Variants in CSMD1 observed in about 807,000 individuals in gnomAD.
The protein encoded by CSMD1 is CUB and sushi domain-containing protein 1.
In CSMD1, 213 loss-of-function variants were observed where a neutral mutation model predicts 417.5. That is an observed-to-expected ratio of 0.51 (90% CI 0.46 to 0.57). CSMD1 has a LOEUF of 0.57. Among genes scored for constraint, CSMD1 ranks in the 20% least tolerant of loss-of-function variants. The probability of loss-of-function intolerance (pLI) is 0.00; values close to 1 mark genes in which losing one functional copy is unlikely to be tolerated. For synonymous variants in CSMD1, 2,862 were observed against 1,736.8 expected, an observed-to-expected ratio of 1.65 and a Z score of -16.11; for missense variants, 6,923 against 4,529.7, an observed-to-expected ratio of 1.53 and a Z score of -15.17.
chr8:3,912,538 T>C (rs1008886544), intron 5 of CSMD1, among the ~76,000 whole-genome samples: 18 of 152,164 alleles, frequency 1.2e-4, no homozygotes, highest in Admixed American at 6.5e-5. Flanking sequence ...GGGGGCTGGT[T>C]AATCTTAGCT....
rs140892984 is a variant in CSMD1 at position 3,576,914 on chromosome 8, T to A, written c.1223-1848A>T. ...CATTTTCCTACTTTTTAACACTTCA[T>A]AATTAACAGCTGTTATAAACATCAT... On this transcript the variant is annotated intron_variant, in intron 9 of 69. Coordinates refer to ENST00000635120, the MANE Select transcript of CSMD1 (RefSeq NM_033225.6). 6.0e-3 allele frequency among the ~76,000 whole-genome samples: 916 copies of A among 152,374 alleles called. 14 individuals are homozygous for A. The highest frequency in any genetic ancestry group is 0.02 in the African/African-American group (822 of 41,588).
chr8:4,815,694 C>CAAAAAAAAA (rs1218931391), intron 1 of CSMD1, among the ~76,000 whole-genome samples: 37 of 67,502 alleles, frequency 5.5e-4, no homozygotes, highest in East Asian at 1.2e-3. Context: ...AAAGCTGTCT[C>CAAAAAAAAA]AAAAAAAAAA....
At chr8:3,365,120 G>A (rs1393848) in intron 20 of CSMD1, among the ~76,000 whole-genome samples, 1,724 of 152,290 alleles carry the variant, frequency 0.011, 26 homozygotes, top group African/African-American at 0.038. Flanking sequence ...AGATACACCA[G>A]GGGAGAATGC....
chr8:4,441,095 GT>G lies in CSMD1; in HGVS notation c.303-21031del, dbSNP rs36000734. 6.8e-3 allele frequency among the ~76,000 whole-genome samples: 347 copies of G among 51,302 alleles called. 10 individuals are homozygous for G. The highest frequency in any genetic ancestry group is 0.02 in the African/African-American group (304 of 14,996). The allele number at this position is 51,302 out of a possible 152,430, so 33.7% of individuals were successfully genotyped here. ...AATAATTTGACTCGTTAATCAAAAG[GT>G]TTTTTTTTTTTTTTTTTTTTTTAAG... On this transcript the variant is annotated intron_variant, in intron 2 of 69. Transcript: ENST00000635120.
chr8:3,230,179 G>C lies in CSMD1; in HGVS notation c.4206C>G (p.Arg1402=). The part of the protein sequence containing the change: ...NDPGMPQNGT[R]YGDSREAGDT... ...CTCCAGCCTCTCTGCTGTCTCCATA[G>C]CGGGTGCCATTTTGGGGCATACCTG... Residue 1402 remains arginine, a synonymous_variant, in exon 27 of 70, where the codon CGC becomes CGG. Transcript: ENST00000635120. 1 of 1,612,488 alleles carries C rather than the reference G, an allele frequency of 6.2e-7. No individual in the cohort carries two copies. The highest frequency in any genetic ancestry group is 8.5e-7 in the Non-Finnish European group (1 of 1,179,230).
intron 3 of CSMD1, among the ~76,000 whole-genome samples, chr8:4,245,971 G>A (rs767312732): frequency 2.3e-4 from 35 of 152,098 alleles, no homozygotes; most frequent in African/African-American, 4.8e-4. Flanking sequence ...TATCAGGGCC[G>A]TGGACAGGGA....
intron 12 of CSMD1, among the ~76,000 whole-genome samples, chr8:3,448,789 G>C (rs749572272): frequency 6.6e-6 from 1 of 152,176 alleles, no homozygotes; most frequent in Non-Finnish European, 1.5e-5. Context: ...GCAATAGTGA[G>C]TGACTTATTC....
chr8:4,521,747 G>A (rs10106920), intron 2 of CSMD1, among the ~76,000 whole-genome samples: 24,539 of 152,050 alleles, frequency 0.16, 2,020 homozygotes, highest in African/African-American at 0.17. Context: ...AGAACAGAAG[G>A]CATAGATTAG....
intron 2 of CSMD1, among the ~76,000 whole-genome samples, chr8:4,510,447 GCTTTATTAA>G (rs948830359): frequency 8.5e-6 from 1 of 117,478 alleles, no homozygotes; most frequent in African/African-American, 3.3e-5. Flanking sequence ...CCAAACATAC[GCTTTATTAA>G]CTAAGGGACA....
At chr8:4,137,483 G>A (rs1440968075) in intron 3 of CSMD1, among the ~76,000 whole-genome samples, 2 of 131,606 alleles carry the variant, frequency 1.5e-5, no homozygotes, top group Non-Finnish European at 3.5e-5. Flanking sequence ...TTTCACTACA[G>A]AATATAACAT....
At chr8:3,300,811 T>C (rs145047068) in intron 25 of CSMD1, among the ~76,000 whole-genome samples, 1 of 151,372 alleles carries the variant, frequency 6.6e-6, no homozygotes, top group Non-Finnish European at 1.5e-5. Flanking sequence ...CAAAAAAAAT[T>C]AGCTGGGTGT....
At chr8:3,594,153 C>G (rs1228847315) in intron 8 of CSMD1, among the ~76,000 whole-genome samples, 1 of 152,206 alleles carries the variant, frequency 6.6e-6, no homozygotes, top group African/African-American at 2.4e-5. Flanking sequence ...TGGGCCTCTG[C>G]TATGCCCGAC....
chr8:3,405,328 G>A (rs1812281795), intron 15 of CSMD1, among the ~76,000 whole-genome samples: 1 of 152,082 alleles, frequency 6.6e-6, no homozygotes, highest in Non-Finnish European at 1.5e-5. Context: ...TTTAAAATGA[G>A]TAATTATTAG....
At chr8:4,201,072 G>C (rs893806749) in intron 3 of CSMD1, among the ~76,000 whole-genome samples, 2 of 152,118 alleles carry the variant, frequency 1.3e-5, no homozygotes, top group Non-Finnish European at 2.9e-5. Flanking sequence ...TTTCTACCTA[G>C]ATAACCTTGG....
chr8:3,255,115 T>C lies in CSMD1; in HGVS notation c.4154-24884A>G, dbSNP rs184161483. ...GTCAGGACCCTCAGCTGCCGGTCTC[T>C]TGGAGTTTGCGGAGGTCCACTCCAG... On this transcript the variant is annotated intron_variant, in intron 26 of 69. Coordinates refer to ENST00000635120, the MANE Select transcript of CSMD1 (RefSeq NM_033225.6). Among the ~76,000 whole-genome samples, 135 of 152,332 alleles carry C rather than the reference T, an allele frequency of 8.9e-4. No individual in the cohort carries two copies. The East Asian group carries it at 0.025, about 29-fold the overall frequency.
At chr8:3,605,478 A>G (rs928367031) in intron 8 of CSMD1, among the ~76,000 whole-genome samples, 6 of 152,230 alleles carry the variant, frequency 3.9e-5, no homozygotes, top group African/African-American at 1.4e-4. Context: ...AATTATCAAT[A>G]CGCTACAAAA....
chr8:3,108,568 C>A (rs1018450702), intron 44 of CSMD1, 35 bp downstream of exon 44: 3 of 1,608,496 alleles, frequency 1.9e-6, no homozygotes, highest in Non-Finnish European at 2.6e-6. Context: ...ACATGGAATT[C>A]TCAGTCTTAA....
chr8:4,786,004 C>G (rs538636392), intron 1 of CSMD1, among the ~76,000 whole-genome samples: 4 of 152,200 alleles, frequency 2.6e-5, no homozygotes, highest in South Asian at 2.1e-4. Flanking sequence ...TGCAGCTTAC[C>G]CAGCAGTGGC....
At chr8:4,692,387 C>G (rs1806823881) in intron 1 of CSMD1, among the ~76,000 whole-genome samples, 1 of 152,200 alleles carries the variant, frequency 6.6e-6, no homozygotes, top group Admixed American at 6.5e-5. Context: ...GGTTCTGCTT[C>G]CCAAACACAT....
Sources: allele counts gnomAD v4.1 joint callset (sites outside exome capture counted in the v4.1 genomes callset), GRCh38; gene constraint gnomAD v4.1.1; transcripts MANE v1.5; gene names NCBI Gene and HGNC (gene_info 2026-07-23, HGNC 2026-07-21).